FGGY: variants seen among roughly 807,000 people sequenced by gnomAD.
The protein encoded by FGGY is FGGY carbohydrate kinase domain containing, also known as FGGY carbohydrate kinase domain-containing protein.
Under a neutral mutation model 71.3 loss-of-function variants are expected in FGGY, and 72 were observed. The observed-to-expected ratio is 1.01, with a 90% CI of 0.84 to 1.23. FGGY has a LOEUF of 1.23. FGGY is among the 50% of genes most tolerant of loss of function. The pLI, the probability that FGGY is intolerant of heterozygous loss-of-function variation, is 0.00. For synonymous variants in FGGY, 251 were observed against 250.3 expected, an observed-to-expected ratio of 1.00 and a Z score of -0.02; for missense variants, 668 against 682.3, an observed-to-expected ratio of 0.98 and a Z score of 0.23.
chr1:59,487,352 T>C (rs1411404505), intron 6 of FGGY, among the ~76,000 whole-genome samples: 3 of 152,170 alleles, frequency 2.0e-5, no homozygotes, highest in Non-Finnish European at 2.9e-5. Flanking sequence ...CTTCCTATTA[T>C]AACACTTATC....
At chr1:59,506,217 A>G (rs1023654119) in intron 6 of FGGY, among the ~76,000 whole-genome samples, 53 of 152,340 alleles carry the variant, frequency 3.5e-4, no homozygotes, top group Admixed American at 8.5e-4. Context: ...ATACAAGGTC[A>G]TGGGATATAA....
chr1:59,653,025 G>T (rs567919012), intron 11 of FGGY, among the ~76,000 whole-genome samples: 7 of 152,200 alleles, frequency 4.6e-5, no homozygotes, highest in Non-Finnish European at 8.8e-5. Context: ...TGAGGTGTCA[G>T]TGTGCTCCTG....
intron 7 of FGGY, among the ~76,000 whole-genome samples, chr1:59,542,317 G>A (rs2095452470): frequency 6.6e-6 from 1 of 152,112 alleles, no homozygotes; most frequent in Non-Finnish European, 1.5e-5. Flanking sequence ...AGTACCTGAT[G>A]TAAAGTTGTG....
intron 7 of FGGY, among the ~76,000 whole-genome samples, chr1:59,513,008 C>G (rs779117331): frequency 6.6e-6 from 1 of 152,186 alleles, no homozygotes; most frequent in Non-Finnish European, 1.5e-5. Context: ...ACCAAAGTCT[C>G]TTCCCCAGCT....
chr1:59,314,930 G>A (rs114759815), intron 1 of FGGY, among the ~76,000 whole-genome samples: 318 of 152,284 alleles, frequency 2.1e-3, no homozygotes, highest in African/African-American at 7.4e-3. Flanking sequence ...CTATGTGTGT[G>A]ATGTTGTTTT....
At chr1:59,465,274 C>T (rs541258828) in intron 6 of FGGY, among the ~76,000 whole-genome samples, 81 of 152,280 alleles carry the variant, frequency 5.3e-4, no homozygotes, top group African/African-American at 1.9e-3. Flanking sequence ...ATGATTATCT[C>T]AATAGATGCA....
intron 8 of FGGY, among the ~76,000 whole-genome samples, chr1:59,560,420 A>C (rs1189039667): frequency 6.6e-6 from 1 of 152,214 alleles, no homozygotes; most frequent in Non-Finnish European, 1.5e-5. Flanking sequence ...GTAAAATCTA[A>C]GGAAATCTGA....
At chr1:59,484,478 G>T (rs1450515715) in intron 6 of FGGY, among the ~76,000 whole-genome samples, 2 of 151,992 alleles carry the variant, frequency 1.3e-5, no homozygotes, top group African/African-American at 4.8e-5. Context: ...AGCTTGCCAG[G>T]GTGTAAAAAG....
At chr1:59,474,735 G>C (rs2093173665) in intron 6 of FGGY, among the ~76,000 whole-genome samples, 1 of 152,210 alleles carries the variant, frequency 6.6e-6, no homozygotes, top group South Asian at 2.1e-4. Flanking sequence ...AAGCCCTTAA[G>C]TGACTGATGT....
At position 59,371,511 on chromosome 1, in the gene FGGY, C is replaced by T. The variant is rs1048062257; in HGVS notation, c.466-7238C>T. 4.6e-5 allele frequency among the ~76,000 whole-genome samples: 7 copies of T among 152,044 alleles called. No homozygotes were observed. The East Asian group carries it at 5.8e-4, about 13-fold the overall frequency. Reference sequence around the variant, plus strand: ...TAGACAGATCAACGAGACAGAAAGTCAACAAGGATACCCAGGAATTGAACT... The same window carrying T: ...TAGACAGATCAACGAGACAGAAAGTTAACAAGGATACCCAGGAATTGAACT... On this transcript the variant is annotated intron_variant, in intron 4 of 15. Transcript: ENST00000303721.
At chr1:59,332,662 C>A (rs2048723223) in intron 2 of FGGY, among the ~76,000 whole-genome samples, 1 of 152,136 alleles carries the variant, frequency 6.6e-6, no homozygotes, top group South Asian at 2.1e-4. Flanking sequence ...GACGCTGAGT[C>A]TTTGTGACTG....
chr1:59,588,095 T>G (rs1254148430), intron 8 of FGGY, among the ~76,000 whole-genome samples: 1 of 152,118 alleles, frequency 6.6e-6, no homozygotes, highest in African/African-American at 2.4e-5. Flanking sequence ...AAAGAAGTGC[T>G]TAAAGGAGCT....
At chr1:59,414,919 A>T (rs546009972) in intron 5 of FGGY, among the ~76,000 whole-genome samples, 2 of 152,308 alleles carry the variant, frequency 1.3e-5, no homozygotes, top group Admixed American at 6.5e-5. Flanking sequence ...GGCAGGGTGG[A>T]GAAAGTTAGA....
chr1:59,443,134 T>C (rs2070355540), intron 5 of FGGY, among the ~76,000 whole-genome samples: 1 of 152,214 alleles, frequency 6.6e-6, no homozygotes, highest in Non-Finnish European at 1.5e-5. Flanking sequence ...CAGTATAGTA[T>C]AGTTATTACT....
intron 9 of FGGY, among the ~76,000 whole-genome samples, chr1:59,624,385 C>T (rs1002399367): frequency 3.4e-4 from 52 of 152,148 alleles, no homozygotes; most frequent in Non-Finnish European, 1.3e-4. Flanking sequence ...ATAGTATCTT[C>T]TCCATAGGAG....
chr1:59,573,571 ATTC>A (rs2096025722), intron 8 of FGGY, among the ~76,000 whole-genome samples: 1 of 152,148 alleles, frequency 6.6e-6, no homozygotes, highest in Non-Finnish European at 1.5e-5. Flanking sequence ...TTATACAATA[ATTC>A]TTTGTTCTAT....
chr1:59,553,968 C>A (rs2095647070), intron 7 of FGGY, 156 bp from the exon 8 acceptor site: 1 of 522,154 alleles, frequency 1.9e-6, no homozygotes, highest in South Asian at 3.9e-5. Context: ...GCAAGTATGC[C>A]CTTTGGGTTT....
At chr1:59,405,918 T>C (rs2062664152) in intron 5 of FGGY, among the ~76,000 whole-genome samples, 1 of 133,876 alleles carries the variant, frequency 7.5e-6, no homozygotes, top group Admixed American at 7.3e-5. Flanking sequence ...TTCCCCTAGC[T>C]TTTTTTTTTT....
chr1:59,752,853 A>C (rs2098257439), intron 14 of FGGY, among the ~76,000 whole-genome samples: 1 of 152,170 alleles, frequency 6.6e-6, no homozygotes, highest in South Asian at 2.1e-4. Context: ...GCCGTGGTAC[A>C]GGGCCCCTAT....
Sources: gnomAD v4.1 joint callset for allele counts (sites outside exome capture counted in the v4.1 genomes callset) on GRCh38, gnomAD v4.1.1 for gene constraint, MANE v1.5 for transcripts, NCBI Gene and HGNC (gene_info 2026-07-23, HGNC 2026-07-21) for gene names.